The following ST3GAL6 variants were observed in gnomAD, a reference collection of about 807,000 sequenced individuals.
The protein encoded by ST3GAL6 is type 2 lactosamine alpha-2,3-sialyltransferase.
ST3GAL6 carries 31 observed loss-of-function variants against 40.5 expected under a neutral mutation model. That is an observed-to-expected ratio of 0.77 (90% CI 0.58 to 1.03). ST3GAL6 has a LOEUF of 1.03. Among genes scored for constraint, ST3GAL6 ranks in the 50% least tolerant of loss-of-function variants. The pLI, the probability that ST3GAL6 is intolerant of heterozygous loss-of-function variation, is 0.00. For missense variants in ST3GAL6, 357 were observed against 393.2 expected, an observed-to-expected ratio of 0.91 and a Z score of 0.78; for synonymous variants, 129 against 136.9, an observed-to-expected ratio of 0.94 and a Z score of 0.40.
chr3:98,740,154 C>T (rs747742738), intron 1 of ST3GAL6, among the ~76,000 whole-genome samples: 4 of 150,954 alleles, frequency 2.6e-5, no homozygotes, highest in Non-Finnish European at 5.9e-5. Flanking sequence ...TTCTGATCAC[C>T]AAGTAACTAT....
At position 98,751,369 on chromosome 3, in the gene ST3GAL6, T is replaced by A. The variant is rs1936999825; in HGVS notation, c.-11-17061T>A. Among the ~76,000 whole-genome samples the A allele has an allele frequency of 5.9e-5, 9 of 152,312 alleles. No homozygotes were observed. The South Asian group carries it at 1.7e-3, about 28-fold the overall frequency. On this transcript the variant is annotated intron_variant, in intron 1 of 9. Coordinates refer to the ST3GAL6 transcript ENST00000265261. ...GGCACAAATATATCATGATCCATAATTTCTTTAGGTTCAAAATTCTGTCTC... is the reference window on the plus strand; with the variant it reads ...GGCACAAATATATCATGATCCATAAATTCTTTAGGTTCAAAATTCTGTCTC...
At chr3:98,788,265 C>CT (rs746194637) in intron 7 of ST3GAL6, 43 bp downstream of exon 7, 3 of 1,588,572 alleles carry the variant, frequency 1.9e-6, no homozygotes, top group African/African-American at 1.4e-5. Context: ...ACCTTTAGTG[C>CT]TTTTTTTCCT....
chr3:98,745,209 T>C (rs1166525354), intron 1 of ST3GAL6, among the ~76,000 whole-genome samples: 1 of 152,140 alleles, frequency 6.6e-6, no homozygotes, highest in African/African-American at 2.4e-5. Flanking sequence ...AATTTTTGTA[T>C]TTTTAGTAGA....
Position 98,732,876 on chromosome 3 carries a change from C to A in ST3GAL6, c.-12+344C>A, listed in dbSNP as rs2107225295. 3.3e-6 allele frequency: 5 copies of A among 1,513,120 alleles called. No homozygotes were observed. The South Asian group carries it at 6.1e-5, about 18-fold the overall frequency. 93.7% of individuals were successfully genotyped at this position (1,513,120 alleles called of 1,614,324 possible). On this transcript the variant is annotated intron_variant, in intron 1 of 9. Coordinates refer to the ST3GAL6 transcript ENST00000265261. ...CTTCTGCGGCCCGATGTGGCAGGCGCCGCGAGAGAGGCAGCAGCCGGCTGG... is the reference window on the plus strand; with the variant it reads ...CTTCTGCGGCCCGATGTGGCAGGCGACGCGAGAGAGGCAGCAGCCGGCTGG...
intron 5 of ST3GAL6, among the ~76,000 whole-genome samples, chr3:98,777,714 C>A (rs543461778): frequency 7.2e-5 from 11 of 152,010 alleles, no homozygotes; most frequent in African/African-American, 2.7e-4. Context: ...TGCTCTCTAA[C>A]AACTGAGTTC....
intron 9 of ST3GAL6, among the ~76,000 whole-genome samples, chr3:98,793,163 A>G (rs778992553): frequency 1.3e-5 from 2 of 152,140 alleles, no homozygotes; most frequent in Non-Finnish European, 2.9e-5. Context: ...TCCGCCCTAA[A>G]CTTTCCTGTA....
At position 98,780,184 on chromosome 3, in the gene ST3GAL6, C is replaced by T. The variant is rs140162985; in HGVS notation, c.336-4761C>T. Among the ~76,000 whole-genome samples the T allele has an allele frequency of 1.4e-4, 21 of 152,204 alleles. 1 individual carries two copies. Among genetic ancestry groups the T allele is most frequent in the African/African-American group, 4.3e-4 (18 of 41,522 alleles). Reference sequence around the variant, plus strand: ...AGAGAGTGAGGGAAGCAATGAGTAACGAGGAGTGCGATTCAGACAGCTTAT... The same window carrying T: ...AGAGAGTGAGGGAAGCAATGAGTAATGAGGAGTGCGATTCAGACAGCTTAT... On this transcript the variant is annotated intron_variant, in intron 5 of 9. Coordinates refer to ENST00000483910, the MANE Select transcript of ST3GAL6 (RefSeq NM_001323368.2).
At chr3:98,747,204 T>C (rs779090077) in intron 1 of ST3GAL6, among the ~76,000 whole-genome samples, 15 of 152,350 alleles carry the variant, frequency 9.8e-5, no homozygotes, top group Non-Finnish European at 2.1e-4. Context: ...GCCCCGTCAG[T>C]ATGGTTATCA....
In ST3GAL6 at chr3:98,771,058, A is replaced by G. The variant is rs2107191129; in HGVS notation, c.167+102A>G. 2.7e-6 allele frequency: 4 copies of G among 1,505,508 alleles called. No homozygotes were observed. In the East Asian group the frequency reaches 9.6e-5, roughly 36 times the overall value. The allele number at this position is 1,505,508 out of a possible 1,614,324, so 93.3% of individuals were successfully genotyped here. On this transcript the variant is annotated intron_variant, in intron 3 of 9. Coordinates refer to ENST00000483910, the MANE Select transcript of ST3GAL6 (RefSeq NM_001323368.2). Reference sequence around the variant, plus strand: ...TTTTTTTAATGCAAATCTTAGCAGTATAAAGTGGACACCCCATATTTAAGG... The same window carrying G: ...TTTTTTTAATGCAAATCTTAGCAGTGTAAAGTGGACACCCCATATTTAAGG...
intron 1 of ST3GAL6, among the ~76,000 whole-genome samples, chr3:98,734,243 G>A (rs1488903251): frequency 3.9e-5 from 6 of 152,138 alleles, no homozygotes; most frequent in Non-Finnish European, 8.8e-5. Flanking sequence ...GTTATTTTCC[G>A]TTTGAAAGCA....
intron 1 of ST3GAL6, among the ~76,000 whole-genome samples, chr3:98,755,444 TCAA>T (rs1466182193): frequency 6.6e-6 from 1 of 152,208 alleles, no homozygotes; most frequent in Non-Finnish European, 1.5e-5. Context: ...AAGCTCTGTC[TCAA>T]CATCTTGTCT....
At chr3:98,787,979 T>C (rs1009582221) in intron 6 of ST3GAL6, 57 bp from the exon 7 acceptor site, 10 of 1,483,800 alleles carry the variant, frequency 6.7e-6, no homozygotes, top group East Asian at 2.3e-5. Context: ...AGAACTGTGA[T>C]GGGAATGGCA....
rs1941442156 is a variant in ST3GAL6, at chr3:98,794,379, A to T, written c.*618A>T. The T allele has an allele frequency of 6.6e-6, 1 of 152,210 alleles. No homozygotes were observed. Among genetic ancestry groups the T allele is most frequent in the Non-Finnish European group, 1.5e-5 (1 of 68,040 alleles). The allele number at this position is 152,210 out of a possible 1,614,324, so 9.4% of individuals were successfully genotyped here. A position where few individuals can be genotyped will look rare whatever the true frequency, so the allele number is the denominator to read the frequency against. ...TAGATAAGTAAATAACTAAAGAAAG[A>T]ATACAATTACTAAACTCTGATGGCT... On this transcript the variant is annotated 3_prime_UTR_variant, in exon 10 of 10. Coordinates refer to ENST00000483910, the MANE Select transcript of ST3GAL6 (RefSeq NM_001323368.2).
At chr3:98,760,509 G>A (rs1424522287), upstream of ST3GAL6, among the ~76,000 whole-genome samples, 1 of 152,168 alleles carries the variant, frequency 6.6e-6, no homozygotes, top group Non-Finnish European at 1.5e-5. Flanking sequence ...AGTCGAGTAC[G>A]TACACATTAT....
chr3:98,762,082 C>T (rs971355034), upstream of ST3GAL6, among the ~76,000 whole-genome samples: 1 of 46,834 alleles, frequency 2.1e-5, no homozygotes. Context: ...GTGCTAAGGA[C>T]AGTGAAAGCA....
At chr3:98,759,100 G>A (rs551332482), upstream of ST3GAL6, among the ~76,000 whole-genome samples, 1 of 152,278 alleles carries the variant, frequency 6.6e-6, no homozygotes, top group South Asian at 2.1e-4. Flanking sequence ...ACCAAATCAT[G>A]GAAGTCTTAA....
chr3:98,760,272 G>A (rs1038398180), upstream of ST3GAL6, among the ~76,000 whole-genome samples: 1 of 152,120 alleles, frequency 6.6e-6, no homozygotes, highest in Non-Finnish European at 1.5e-5. Context: ...AGATCACATG[G>A]GGTTTGCCAA....
intron 1 of ST3GAL6, among the ~76,000 whole-genome samples, chr3:98,734,994 T>C (rs1257503943): frequency 6.6e-6 from 1 of 152,162 alleles, no homozygotes; most frequent in Admixed American, 6.5e-5. Flanking sequence ...TGTGCTTCCA[T>C]CCAGGAGTGG....
chr3:98,774,478 C>G (rs1388964370), intron 5 of ST3GAL6, among the ~76,000 whole-genome samples: 1 of 152,186 alleles, frequency 6.6e-6, no homozygotes, highest in African/African-American at 2.4e-5. Flanking sequence ...TTTCTGACTA[C>G]AAAAGTAATT....
Sources: gnomAD v4.1 joint callset for allele counts (sites outside exome capture counted in the v4.1 genomes callset) on GRCh38, gnomAD v4.1.1 for gene constraint, MANE v1.5 for transcripts, NCBI Gene and HGNC (gene_info 2026-07-23, HGNC 2026-07-21) for gene names.